TMEM175: variants seen among roughly 807,000 people sequenced by gnomAD.
The protein encoded by TMEM175 is endosomal/lysosomal proton channel TMEM175.
Under a neutral mutation model 36.5 loss-of-function variants are expected in TMEM175, and 36 were observed. The observed-to-expected ratio is 0.99, with a 90% CI of 0.76 to 1.30. The LOEUF (loss-of-function observed/expected upper bound fraction) is 1.30. Among genes scored for constraint, TMEM175 ranks in the 50% most tolerant of loss-of-function variants. The probability of loss-of-function intolerance (pLI) is 0.00; values close to 1 mark genes in which losing one functional copy is unlikely to be tolerated. For synonymous variants in TMEM175, 339 were observed against 313.4 expected, an observed-to-expected ratio of 1.08 and a Z score of -0.86; for missense variants, 705 against 692.8, an observed-to-expected ratio of 1.02 and a Z score of -0.20.
At chr4:952,581 G>T (rs1318336044) in intron 7 of TMEM175, 131 bp downstream of exon 7, 17 of 878,372 alleles carry the variant, frequency 1.9e-5, no homozygotes, top group Non-Finnish European at 2.7e-5. Context: ...GTGTGTGTGT[G>T]TGTGTGTGTG....
intron 1 of TMEM175, among the ~76,000 whole-genome samples, chr4:945,843 G>GC (rs1456324508): frequency 1.3e-5 from 2 of 152,046 alleles, no homozygotes; most frequent in Non-Finnish European, 2.9e-5. Flanking sequence ...AGCCTGTCCT[G>GC]CCCCCGGCTG....
At chr4:953,999 C>CT (rs529343345) in intron 8 of TMEM175, among the ~76,000 whole-genome samples, 9,212 of 149,424 alleles carry the variant, frequency 0.062, 432 homozygotes, top group Middle Eastern at 0.13. Context: ...TTCTTTTTTT[C>CT]TTTTTTTTTT....
Position 943,826 on chromosome 4 carries a change from C to A in TMEM175, c.-31-3883C>A, listed in dbSNP as rs375522970. Among the ~76,000 whole-genome samples the A allele has an allele frequency of 4.6e-5, 7 of 152,168 alleles. No individual in the cohort carries two copies. The East Asian group carries it at 5.8e-4, about 13-fold the overall frequency. On this transcript the variant is annotated intron_variant, in intron 1 of 10. Transcript: ENST00000264771. ...ATTGTGCAAAATGAAACAATACACA[C>A]GTTTTTCAGCTGGTAAGTGGATCCA...
chr4:946,814 A>G (rs1463487059), intron 1 of TMEM175, among the ~76,000 whole-genome samples: 1 of 152,098 alleles, frequency 6.6e-6, no homozygotes, highest in Non-Finnish European at 1.5e-5. Context: ...CCCAAAGGTC[A>G]CCAAGGGAGA....
rs1368523761 is a variant in TMEM175 at position 932,900 on chromosome 4, G to A, written c.-32+360G>A. Among the ~76,000 whole-genome samples the A allele has an allele frequency of 6.6e-6, 1 of 152,242 alleles. No homozygotes were observed. Among genetic ancestry groups the A allele is most frequent in the Non-Finnish European group, 1.5e-5 (1 of 68,046 alleles). On this transcript the variant is annotated intron_variant, in intron 1 of 10. Coordinates refer to ENST00000264771, the MANE Select transcript of TMEM175 (RefSeq NM_032326.4). This position sits in a 1 kb window ranked among gnomAD's most constrained non-coding sequence, Gnocchi z 4.0. Reference sequence around the variant, plus strand: ...CTCTGTCTTCCGAGGAGAGGGCCAGGGTCTGGCCTGGGGCAGTGACCAGTA... The same window carrying A: ...CTCTGTCTTCCGAGGAGAGGGCCAGAGTCTGGCCTGGGGCAGTGACCAGTA...
chr4:939,535 G>A (rs1022439476), intron 1 of TMEM175, among the ~76,000 whole-genome samples: 9 of 152,154 alleles, frequency 5.9e-5, no homozygotes, highest in Non-Finnish European at 2.9e-5. Flanking sequence ...GACCAACATG[G>A]TGAAACCTCA....
chr4:936,017 G>A (rs114075724), intron 1 of TMEM175, among the ~76,000 whole-genome samples: 1 of 152,302 alleles, frequency 6.6e-6, no homozygotes, highest in African/African-American at 2.4e-5. Context: ...AGTATTAAAT[G>A]TTAAGTCTCA....
At chr4:942,785 G>A (rs1169024732) in intron 1 of TMEM175, among the ~76,000 whole-genome samples, 3 of 151,934 alleles carry the variant, frequency 2.0e-5, no homozygotes, top group South Asian at 2.1e-4. Context: ...GACTACAGGC[G>A]CACACCACTA....
chr4:933,273 G>C (rs1021378377), intron 1 of TMEM175, among the ~76,000 whole-genome samples: 1 of 152,066 alleles, frequency 6.6e-6, no homozygotes, highest in Non-Finnish European at 1.5e-5. Context: ...TTGGGAGGCC[G>C]AGGCAGGCGG....
chr4:956,237 G>T, intron 10 of TMEM175: 1 of 1,133,286 alleles, frequency 8.8e-7, no homozygotes, highest in Non-Finnish European at 1.1e-6. Flanking sequence ...CCTCACCCCT[G>T]CCCCAACACC....
chr4:949,494 G>C (rs1728593545), intron 3 of TMEM175, among the ~76,000 whole-genome samples: 1 of 152,216 alleles, frequency 6.6e-6, no homozygotes, highest in Non-Finnish European at 1.5e-5. Context: ...GAGGAGAGGG[G>C]ACTCCTGGGG....
At chr4:938,199 T>C (rs1273840235) in intron 1 of TMEM175, among the ~76,000 whole-genome samples, 1 of 152,160 alleles carries the variant, frequency 6.6e-6, no homozygotes, top group Non-Finnish European at 1.5e-5. Flanking sequence ...GCCAACGTGA[T>C]GAGGCAAGAA....
chr4:948,391 G>C, intron 3 of TMEM175: 1 of 1,529,264 alleles, frequency 6.5e-7, no homozygotes, highest in Non-Finnish European at 8.7e-7. Context: ...GGGCTCCTAG[G>C]GCTCTGTTTC....
chr4:943,275 G>A (rs182597664), intron 1 of TMEM175, among the ~76,000 whole-genome samples: 3 of 152,040 alleles, frequency 2.0e-5, no homozygotes, highest in Admixed American at 6.5e-5. Context: ...TTTCCTAGAC[G>A]GAGTCTTACT....
At chr4:934,810 G>A (rs1363204254) in intron 1 of TMEM175, among the ~76,000 whole-genome samples, 3 of 152,172 alleles carry the variant, frequency 2.0e-5, no homozygotes, top group African/African-American at 7.2e-5. Context: ...TTAGAACATA[G>A]GAGGGGAATG....
intron 3 of TMEM175, among the ~76,000 whole-genome samples, chr4:949,350 G>A (rs890501508): frequency 1.3e-5 from 2 of 152,190 alleles, no homozygotes; most frequent in African/African-American, 4.8e-5. Context: ...TGTCCTAACT[G>A]GGTCACAGGG....
intron 1 of TMEM175, among the ~76,000 whole-genome samples, chr4:940,050 C>G (rs906920337): frequency 2.6e-5 from 4 of 152,152 alleles, no homozygotes; most frequent in Admixed American, 2.6e-4. Flanking sequence ...TTGAAGGAAC[C>G]TTAAATGCAT....
chr4:935,662 A>G (rs1030012513), intron 1 of TMEM175, among the ~76,000 whole-genome samples: 7 of 152,252 alleles, frequency 4.6e-5, no homozygotes, highest in African/African-American at 1.7e-4. Flanking sequence ...CTGTCAGCCA[A>G]CTTGACCTAA....
In TMEM175 at chr4:948,096, C is replaced by G; in HGVS notation, c.154-20C>G. On this transcript the variant is annotated intron_variant, in intron 2 of 10. Coordinates refer to ENST00000264771, the MANE Select transcript of TMEM175 (RefSeq NM_032326.4). ...GCGTCTCTTGCTCTCCTGCTTCCTT[C>G]TGTCTCTTTGCCCCCTCAGATCCTG... The G allele has an allele frequency of 1.2e-6, 2 of 1,614,132 alleles. No individual in the cohort carries two copies. Among genetic ancestry groups the G allele is most frequent in the South Asian group, 2.2e-5 (2 of 91,080 alleles).
Sources: gnomAD v4.1 joint callset for allele counts (sites outside exome capture counted in the v4.1 genomes callset) on GRCh38, gnomAD v4.1.1 for gene constraint, Gnocchi (gnomAD v3.1) non-coding constraint, MANE v1.5 for transcripts, NCBI Gene and HGNC (gene_info 2026-07-23, HGNC 2026-07-21) for gene names.